The following NEK6 variants were observed in gnomAD, a reference collection of about 807,000 sequenced individuals.
NEK6 encodes the protein NIMA related kinase 6.
In NEK6, 27 loss-of-function variants were observed where a neutral mutation model predicts 43.5. That is an observed-to-expected ratio of 0.62 (90% CI 0.46 to 0.86). The LOEUF (loss-of-function observed/expected upper bound fraction) is 0.86. Among genes scored for constraint, NEK6 ranks in the 40% least tolerant of loss-of-function variants. The pLI, the probability that NEK6 is intolerant of heterozygous loss-of-function variation, is 0.00. For synonymous variants in NEK6, 167 were observed against 164.1 expected, an observed-to-expected ratio of 1.02 and a Z score of -0.14; for missense variants, 318 against 414.4, an observed-to-expected ratio of 0.77 and a Z score of 2.02.
chr9:124,262,909 A>G (rs1353920359), intron 1 of NEK6: 1 of 152,244 alleles, frequency 6.6e-6, no homozygotes, highest in African/African-American at 2.4e-5. Flanking sequence ...TTTAACCCTC[A>G]TGCTTCAGAA....
rs528076327 is a variant in NEK6, at chr9:124,305,627, T to G, written c.90+3573T>G. On this transcript the variant is annotated intron_variant, in intron 2 of 9. Transcript: ENST00000320246. ...GCTGTCAATTCAGCAACTGTTTTTT[T>G]GGGGTTTTTTTCCTGCCATGGGAAG... Among the ~76,000 whole-genome samples, 181 of 152,166 alleles carry G rather than the reference T, an allele frequency of 1.2e-3. 2 individuals are homozygous for G. The highest frequency in any genetic ancestry group is 6.8e-3 in the Middle Eastern group (2 of 292).
chr9:124,264,372 C>T (rs1394701826), intron 1 of NEK6, among the ~76,000 whole-genome samples: 2 of 152,230 alleles, frequency 1.3e-5, no homozygotes. Flanking sequence ...CCAGCCTCTA[C>T]TCCCTCATCC....
At chr9:124,320,004 A>G (rs1261919190) in intron 4 of NEK6, among the ~76,000 whole-genome samples, 1 of 152,246 alleles carries the variant, frequency 6.6e-6, no homozygotes, top group Non-Finnish European at 1.5e-5. Flanking sequence ...TGCTGCTAAG[A>G]TGGCAACAGG....
At chr9:124,346,416 C>T (rs565078326) in intron 8 of NEK6, among the ~76,000 whole-genome samples, 10 of 152,290 alleles carry the variant, frequency 6.6e-5, no homozygotes, top group African/African-American at 1.7e-4. Flanking sequence ...GCCTCTGGGG[C>T]GCGAGGACAA....
intron 1 of NEK6, among the ~76,000 whole-genome samples, chr9:124,296,087 G>A (rs1023953334): frequency 1.4e-4 from 21 of 152,384 alleles, no homozygotes; most frequent in Admixed American, 7.2e-4. Flanking sequence ...AGCTCCCTGG[G>A]GCATGTGTCG....
intron 1 of NEK6, among the ~76,000 whole-genome samples, chr9:124,279,808 C>T (rs996123920): frequency 1.3e-5 from 2 of 152,238 alleles, no homozygotes; most frequent in African/African-American, 4.8e-5. Context: ...GTATCGCTGT[C>T]TGAAATGACC....
At chr9:124,269,337 C>T (rs1015046049) in intron 1 of NEK6, among the ~76,000 whole-genome samples, 8 of 152,076 alleles carry the variant, frequency 5.3e-5, no homozygotes, top group African/African-American at 1.9e-4. Flanking sequence ...GAAAACCCCC[C>T]ACCCCTGCCT....
At position 124,351,942 on chromosome 9, in the gene NEK6, T is replaced by G. The variant is rs1830297871; in HGVS notation, c.*995T>G. 1 of 152,620 alleles carries G rather than the reference T, an allele frequency of 6.6e-6. No individual in the cohort carries two copies. Among genetic ancestry groups the G allele is most frequent in the Non-Finnish European group, 1.5e-5 (1 of 68,030 alleles). 9.5% of individuals were successfully genotyped at this position (152,620 alleles called of 1,614,324 possible). A position where few individuals can be genotyped will look rare whatever the true frequency, so the allele number is the denominator to read the frequency against. On this transcript the variant is annotated 3_prime_UTR_variant, in exon 10 of 10. Transcript: ENST00000320246. ...TCCAAAAATGGTAGCCACTCACCCT[T>G]CACAAACTGAAGTCCATGGACCACG...
intron 1 of NEK6, among the ~76,000 whole-genome samples, chr9:124,289,805 G>C (rs1368175669): frequency 3.3e-5 from 5 of 152,202 alleles, no homozygotes; most frequent in Non-Finnish European, 7.4e-5. Flanking sequence ...AGACTGTGGA[G>C]TCCAACCCAC....
intron 8 of NEK6, among the ~76,000 whole-genome samples, chr9:124,341,907 G>A (rs1426321664): frequency 6.6e-6 from 1 of 152,214 alleles, no homozygotes; most frequent in African/African-American, 2.4e-5. Flanking sequence ...GGGAGGGTGC[G>A]TGCCTGTTAT....
At chr9:124,347,621 C>A in intron 8 of NEK6, 88 bp from the exon 9 acceptor site, 1 of 791,470 alleles carries the variant, frequency 1.3e-6, no homozygotes, top group Non-Finnish European at 2.0e-6. Context: ...AGAACCCATG[C>A]CCCAACAATC....
rs61223297 is a variant in NEK6 at position 124,326,202 on chromosome 9, T to TC, written c.406-117dup. ...GCTTATTGTTTGCTCAGTGGCTCAA[T>TC]CCCCCCCCCCCGCCCCTGCCAGGCA... On this transcript the variant is annotated intron_variant, in intron 5 of 9. Transcript: ENST00000320246. The surrounding 1 kb of genome is among the most constrained non-coding windows in gnomAD (Gnocchi z 4.5). 0.061 allele frequency: 7,600 copies of TC among 124,716 alleles called. 358 individuals are homozygous for TC. Among genetic ancestry groups the TC allele is most frequent in the Non-Finnish European group, 0.085 (4,333 of 50,922 alleles). The allele number at this position is 124,716 out of a possible 1,614,324, so 7.7% of individuals were successfully genotyped here.
At chr9:124,257,752 G>C, upstream of NEK6, 1 of 1,517,264 alleles carries the variant, frequency 6.6e-7, no homozygotes. Context: ...TCCCATCTCT[G>C]AAATGGGGAA....
intron 1 of NEK6, among the ~76,000 whole-genome samples, chr9:124,278,362 G>A (rs57982610): frequency 0.14 from 21,773 of 151,752 alleles, 1,627 homozygotes; most frequent in Non-Finnish European, 0.16. Flanking sequence ...GTAGGCGTTG[G>A]GGGCATGGGC....
intron 1 of NEK6, among the ~76,000 whole-genome samples, chr9:124,279,087 G>A (rs1014462992): frequency 6.6e-6 from 1 of 152,018 alleles, no homozygotes; most frequent in Non-Finnish European, 1.5e-5. Flanking sequence ...TTCTGGCCTG[G>A]CCTGGAGAGG....
Position 124,302,068 on chromosome 9 carries a change from CTT to C in NEK6, c.90+16_90+17del. ...CCTGACCCACAGGTAAGCCCCTTAC[CTT>C]TGTCTGCAGCACACTGAAGAGTTCC... On this transcript the variant is annotated intron_variant, in intron 2 of 9. Transcript: ENST00000320246. 2 of 1,570,554 alleles carry C rather than the reference CTT, an allele frequency of 1.3e-6. No individual in the cohort carries two copies. Among genetic ancestry groups the C allele is most frequent in the Non-Finnish European group, 1.7e-6 (2 of 1,150,814 alleles).
At chr9:124,321,781 C>T (rs1038420268) in intron 5 of NEK6, among the ~76,000 whole-genome samples, 2 of 152,220 alleles carry the variant, frequency 1.3e-5, no homozygotes, top group African/African-American at 4.8e-5. Flanking sequence ...TTGCTGGAGG[C>T]CTCTTTCTTT....
intron 1 of NEK6, among the ~76,000 whole-genome samples, chr9:124,284,572 C>A (rs1302159860): frequency 6.6e-6 from 1 of 152,226 alleles, no homozygotes; most frequent in Non-Finnish European, 1.5e-5. Context: ...CACAAAATTC[C>A]CAGTTAATGG....
intron 2 of NEK6, among the ~76,000 whole-genome samples, chr9:124,304,544 C>G (rs1290185401): frequency 6.6e-6 from 1 of 152,222 alleles, no homozygotes; most frequent in Admixed American, 6.5e-5. Flanking sequence ...TTACTGTAAA[C>G]ATCCAACACA....
Sources: allele counts gnomAD v4.1 joint callset (sites outside exome capture counted in the v4.1 genomes callset), GRCh38; gene constraint gnomAD v4.1.1; non-coding constraint Gnocchi (gnomAD v3.1); transcripts MANE v1.5; gene names NCBI Gene and HGNC (gene_info 2026-07-23, HGNC 2026-07-21).